The following RANBP3L variants were observed in gnomAD, a reference collection of about 807,000 sequenced individuals.
The protein encoded by RANBP3L is ran-binding protein 3-like.
In RANBP3L, 56 loss-of-function variants were observed where a neutral mutation model predicts 67.2. The ratio of observed to expected loss-of-function variants is 0.83; its 90% CI spans 0.67 to 1.04. The LOEUF (loss-of-function observed/expected upper bound fraction) is 1.04, where lower values mean the gene tolerates loss of function less well. Among genes scored for constraint, RANBP3L ranks in the 50% least tolerant of loss-of-function variants. The pLI is 0.00. For synonymous variants in RANBP3L, 164 were observed against 181.4 expected (o/e 0.90, Z 0.77); for missense variants, 496 against 535.5 (o/e 0.93, Z 0.73).
intron 1 of RANBP3L, among the ~76,000 whole-genome samples, chr5:36,291,449 G>T (rs1422066377): frequency 6.6e-6 from 1 of 150,606 alleles, no homozygotes; most frequent in African/African-American, 2.4e-5. Context: ...TGCACAATGT[G>T]CAGGTTAGTT....
intron 1 of RANBP3L, 41 bp downstream of exon 1, chr5:36,301,282 CAGA>C (rs748468591): frequency 7.0e-7 from 1 of 1,424,026 alleles, no homozygotes; most frequent in African/African-American, 1.4e-5. Flanking sequence ...TGCAAATGCA[CAGA>C]AGGTCACAGA....
intron 6 of RANBP3L, 86 bp downstream of exon 6, chr5:36,264,873 C>G (rs1335174847): frequency 1.7e-6 from 2 of 1,196,586 alleles, no homozygotes; most frequent in Non-Finnish European, 2.4e-6. Flanking sequence ...CAGACAACTC[C>G]TATTTCTGGA....
At chr5:36,294,237 C>T (rs1039075309) in intron 1 of RANBP3L, among the ~76,000 whole-genome samples, 21 of 152,064 alleles carry the variant, frequency 1.4e-4, no homozygotes, top group African/African-American at 4.6e-4. Context: ...TCTGTGGGAT[C>T]GGTGGTGATA....
At position 36,301,493 on chromosome 5, in the gene RANBP3L, AC is replaced by A; in HGVS notation, c.-78del. 1 of 999,906 alleles carries A rather than the reference AC, an allele frequency of 1.0e-6. No individual in the cohort carries two copies. The highest frequency in any genetic ancestry group is 1.3e-5 in the South Asian group (1 of 77,940). 61.9% of individuals were successfully genotyped at this position (999,906 alleles called of 1,614,324 possible). A position where few individuals can be genotyped will look rare whatever the true frequency, so the allele number is the denominator to read the frequency against. On this transcript the variant is annotated 5_prime_UTR_variant, in exon 1 of 14. The change abolishes the stop of an existing upstream ORF in the 5' untranslated region. Transcript: ENST00000296604. ...TGGCCAGTCACCTAAAGTGGCCTTC[AC>A]CAGACACCCAGAAATACATAGATTC... is the stretch of plus-strand genomic sequence containing the variant.
At chr5:36,270,751 G>A (rs1250089767) in intron 2 of RANBP3L, among the ~76,000 whole-genome samples, 7 of 152,174 alleles carry the variant, frequency 4.6e-5, no homozygotes, top group African/African-American at 1.7e-4. Context: ...TCCCACCGTG[G>A]CCTCGAAACA....
intron 10 of RANBP3L, 157 bp downstream of exon 10, chr5:36,256,784 G>A (rs1749005667): frequency 9.7e-6 from 6 of 617,862 alleles, no homozygotes; most frequent in Non-Finnish European, 1.4e-5. Context: ...ATAAATTATT[G>A]GTTCAATTTT....
intron 1 of RANBP3L, among the ~76,000 whole-genome samples, chr5:36,276,026 G>T (rs1285335442): frequency 6.6e-6 from 1 of 152,092 alleles, no homozygotes; most frequent in African/African-American, 2.4e-5. Flanking sequence ...ACCCCATGCT[G>T]CTTGCCAAAA....
intron 1 of RANBP3L, among the ~76,000 whole-genome samples, chr5:36,294,270 T>A (rs1324960841): frequency 6.6e-6 from 1 of 151,984 alleles, no homozygotes; most frequent in South Asian, 2.1e-4. Flanking sequence ...TTTTTTATTG[T>A]GTCTATTTGA....
intron 1 of RANBP3L, among the ~76,000 whole-genome samples, chr5:36,276,774 A>G (rs1398481254): frequency 2.6e-5 from 4 of 152,106 alleles, no homozygotes; most frequent in Admixed American, 1.3e-4. Context: ...ATTTGAAAGG[A>G]TCTACTGAGT....
Position 36,271,267 on chromosome 5 carries a change from C to T in RANBP3L, c.136G>A (p.Glu46Lys), listed in dbSNP as rs771757035. The T allele has an allele frequency of 1.9e-6, 3 of 1,571,028 alleles. No homozygotes were observed. The highest frequency in any genetic ancestry group is 2.2e-5 in the East Asian group (1 of 44,596). The change falls in exon 2 of 14, where the codon GAA becomes AAA. Residue 46 changes from glutamate to lysine, a missense_variant. By Grantham distance (56) the Glu-to-Lys change is moderately conservative. Transcript: ENST00000296604. ...GTCAATCTTACCTTAAAAGTTTGTTCTCCCTTTTCAAAAACAAATATGGGT... is the reference window on the plus strand; with the variant it reads ...GTCAATCTTACCTTAAAAGTTTGTTTTCCCTTTTCAAAAACAAATATGGGT... ...AQPIFVFEKG[E>K]QTFKRPAEDT...
chr5:36,292,251 G>GT (rs1282553350), intron 1 of RANBP3L, among the ~76,000 whole-genome samples: 1 of 151,862 alleles, frequency 6.6e-6, no homozygotes, highest in Non-Finnish European at 1.5e-5. Context: ...GGGGTTGTTT[G>GT]TTTTTTTCTT....
At position 36,289,605 on chromosome 5, in the gene RANBP3L, G is replaced by A. The variant is rs938857064; in HGVS notation, c.91+11721C>T. On this transcript the variant is annotated intron_variant, in intron 1 of 13. Coordinates refer to ENST00000296604, the MANE Select transcript of RANBP3L (RefSeq NM_145000.5). The stretch of plus-strand genomic sequence containing the variant: ...ATGTTTAAGTGTACAAGTCTTGCAC[G>A]TATTTTGTTAAATTAATCCGTATTT... 7.9e-5 allele frequency among the ~76,000 whole-genome samples: 12 copies of A among 152,066 alleles called. No individual in the cohort carries two copies. In the East Asian group the frequency reaches 1.5e-3, roughly 20 times the overall value.
rs534811099 is a variant in RANBP3L, at chr5:36,264,506, A to T, written c.480+453T>A. On this transcript the variant is annotated intron_variant, in intron 6 of 13. Coordinates refer to ENST00000296604, the MANE Select transcript of RANBP3L (RefSeq NM_145000.5). ...AGGCTTCCCAAACCCTCCCAACTAC[A>T]CTGTATAGGGAGTTCTCTGCTCCTG... Among the ~76,000 whole-genome samples the T allele has an allele frequency of 6.6e-5, 10 of 152,274 alleles. No homozygotes were observed. The East Asian group carries it at 1.9e-3, about 29-fold the overall frequency.
intron 1 of RANBP3L, among the ~76,000 whole-genome samples, chr5:36,279,271 T>C (rs1750810979): frequency 6.6e-6 from 1 of 152,152 alleles, no homozygotes; most frequent in Admixed American, 6.5e-5. Context: ...GTGTGCCAAT[T>C]CACAAAGGAA....
At position 36,301,694 on chromosome 5, in the gene RANBP3L, A is replaced by G; in HGVS notation, c.-278T>C. 1 of 356,600 alleles carries G rather than the reference A, an allele frequency of 2.8e-6. No homozygotes were observed. Among genetic ancestry groups the G allele is most frequent in the East Asian group, 4.4e-5 (1 of 22,648 alleles). The allele number at this position is 356,600 out of a possible 1,614,324, so 22.1% of individuals were successfully genotyped here. A position where few individuals can be genotyped will look rare whatever the true frequency, so the allele number is the denominator to read the frequency against. On this transcript the variant is annotated 5_prime_UTR_variant, in exon 1 of 14. Transcript: ENST00000296604. Reference sequence around the variant, plus strand: ...TTCCTTCATTTCAAAACAAATTGAAACTAAACCTCCTTATAGAGTAAAATT... The same window carrying G: ...TTCCTTCATTTCAAAACAAATTGAAGCTAAACCTCCTTATAGAGTAAAATT...
intron 1 of RANBP3L, among the ~76,000 whole-genome samples, chr5:36,274,425 A>G (rs1750433762): frequency 6.6e-6 from 1 of 152,006 alleles, no homozygotes; most frequent in Non-Finnish European, 1.5e-5. Flanking sequence ...ATTTAGACAG[A>G]CTTGTAGGAT....
chr5:36,266,673 C>T lies in RANBP3L; in HGVS notation c.269-1153G>A, dbSNP rs560546528. Among the ~76,000 whole-genome samples the T allele has an allele frequency of 3.3e-5, 5 of 152,154 alleles. No homozygotes were observed. The South Asian group carries it at 1.0e-3, about 32-fold the overall frequency. ...AGCACGTGCATAGATAACTTAAAGT[C>T]GTTCCTTTGTTTTATGTATAAATAC... On this transcript the variant is annotated intron_variant, in intron 4 of 13. Coordinates refer to ENST00000296604, the MANE Select transcript of RANBP3L (RefSeq NM_145000.5).
chr5:36,293,567 A>G lies in RANBP3L; in HGVS notation c.91+7759T>C, dbSNP rs1751962912. Among the ~76,000 whole-genome samples, 5 of 130,458 alleles carry G rather than the reference A, an allele frequency of 3.8e-5. No individual in the cohort carries two copies. In the Admixed American group the frequency reaches 4.0e-4, roughly 10 times the overall value. 85.6% of individuals were successfully genotyped at this position (130,458 alleles called of 152,430 possible). A position where few individuals can be genotyped will look rare whatever the true frequency, so the allele number is the denominator to read the frequency against. ...CATAGATAGCTCTTGTTATTTTGAA[A>G]TACGTCCCATCAATACCTAATTTAT... On this transcript the variant is annotated intron_variant, in intron 1 of 13. Coordinates refer to ENST00000296604, the MANE Select transcript of RANBP3L (RefSeq NM_145000.5).
At chr5:36,298,714 C>T (rs1200948333) in intron 1 of RANBP3L, among the ~76,000 whole-genome samples, 1 of 152,248 alleles carries the variant, frequency 6.6e-6, no homozygotes, top group Non-Finnish European at 1.5e-5. Flanking sequence ...CATTAGCATG[C>T]TTCACAACTT....
Sources: allele counts gnomAD v4.1 joint callset (sites outside exome capture counted in the v4.1 genomes callset), GRCh38; gene constraint gnomAD v4.1.1; transcripts MANE v1.5; gene names NCBI Gene and HGNC (gene_info 2026-07-23, HGNC 2026-07-21).